IL1RAPL2: variants seen among roughly 807,000 people sequenced by gnomAD.
IL1RAPL2 encodes the protein X-linked interleukin-1 receptor accessory protein-like 2.
In IL1RAPL2, 3 loss-of-function variants were observed where a neutral mutation model predicts 44.1. The observed-to-expected ratio is 0.07, with a 90% CI of 0.03 to 0.18. The LOEUF is 0.18. Ranked by LOEUF, IL1RAPL2 falls within the 10% of genes least tolerant of loss-of-function variation. IL1RAPL2 has a pLI of 1.00. For synonymous variants in IL1RAPL2, 181 were observed against 178.8 expected (o/e 1.01, Z -0.10); for missense variants, 391 against 496.4 (o/e 0.79, Z 2.02).
intron 2 of IL1RAPL2, among the ~76,000 whole-genome samples, chrX:104,664,148 A>G (rs1930447977): frequency 1.8e-5 from 2 of 111,282 alleles, no homozygotes; most frequent in Non-Finnish European, 3.8e-5. Context: ...CCCAGATGTT[A>G]ACAAGATATT....
At chrX:104,883,868 A>G (rs1410147883) in intron 2 of IL1RAPL2, among the ~76,000 whole-genome samples, 2 of 111,818 alleles carry the variant, frequency 1.8e-5, no homozygotes, top group African/African-American at 6.5e-5. Flanking sequence ...CAGAAATTGT[A>G]TCCTTCCTAT....
intron 2 of IL1RAPL2, among the ~76,000 whole-genome samples, chrX:105,090,634 A>C (rs1008960983): frequency 8.9e-6 from 1 of 112,606 alleles, no homozygotes; most frequent in African/African-American, 3.2e-5. Context: ...CCTATCAAGT[A>C]CAAATATGTA....
intron 2 of IL1RAPL2, among the ~76,000 whole-genome samples, chrX:105,041,960 G>A (rs1371549244): frequency 9.1e-5 from 10 of 110,421 alleles, no homozygotes; most frequent in Admixed American, 7.8e-4. Context: ...AAACCTGAGA[G>A]AAGCAAGAAA....
intron 5 of IL1RAPL2, among the ~76,000 whole-genome samples, chrX:105,422,415 C>A (rs1172491084): frequency 8.9e-6 from 1 of 111,839 alleles, no homozygotes; most frequent in African/African-American, 3.3e-5. Context: ...AAGTTTGATT[C>A]CTTAAAGGAA....
chrX:104,994,399 G>A (rs1602876420), intron 2 of IL1RAPL2, among the ~76,000 whole-genome samples: 1 of 111,300 alleles, frequency 9.0e-6, no homozygotes, highest in South Asian at 3.7e-4. Context: ...AGGGTACAGA[G>A]TAACTTTCTG....
chrX:105,006,479 A>C (rs1017530880), intron 2 of IL1RAPL2, among the ~76,000 whole-genome samples: 2 of 110,990 alleles, frequency 1.8e-5, no homozygotes, highest in Non-Finnish European at 3.8e-5. Context: ...GAATTCAAAC[A>C]TATGTTTTAT....
intron 5 of IL1RAPL2, among the ~76,000 whole-genome samples, chrX:105,409,614 A>C (rs906822982): frequency 9.0e-6 from 1 of 111,465 alleles, no homozygotes; most frequent in Non-Finnish European, 1.9e-5. Flanking sequence ...TCTGAATGCC[A>C]TGAAGGAGCC....
In IL1RAPL2 at chrX:104,601,514, T is replaced by A. The variant is rs1029137968; in HGVS notation, c.-20+34463T>A. Among the ~76,000 whole-genome samples, 7 of 112,196 alleles carry A rather than the reference T, an allele frequency of 6.2e-5. No homozygotes were observed. In the South Asian group the frequency reaches 2.6e-3, roughly 41 times the overall value. On this transcript the variant is annotated intron_variant, in intron 1 of 10. Coordinates refer to ENST00000372582, the MANE Select transcript of IL1RAPL2 (RefSeq NM_017416.2). The stretch of plus-strand genomic sequence containing the variant: ...GTGATGTTGAGATTTGGGTAAAGAA[T>A]GATCCTGTCACACAGATCACCATTT...
intron 6 of IL1RAPL2, among the ~76,000 whole-genome samples, chrX:105,698,219 C>G (rs1472846326): frequency 9.0e-6 from 1 of 111,533 alleles, no homozygotes; most frequent in African/African-American, 3.3e-5. Context: ...GTATAACACT[C>G]TGCACTTTGC....
intron 1 of IL1RAPL2, among the ~76,000 whole-genome samples, chrX:104,607,756 T>C (rs1313285126): frequency 9.0e-6 from 1 of 111,707 alleles, no homozygotes; most frequent in Non-Finnish European, 1.9e-5. Flanking sequence ...TGTGGAGAAA[T>C]AGGGATGCTT....
Position 105,224,215 on chromosome X carries a change from A to G in IL1RAPL2, c.357-9603A>G, listed in dbSNP as rs369680471. On this transcript the variant is annotated intron_variant, in intron 3 of 10. Transcript: ENST00000372582. ...AAGCAGTAGGAGTAGTCAGAGAAGT[A>G]GACAATCAAAAAAGGGAGATATTTT... Among the ~76,000 whole-genome samples the G allele has an allele frequency of 8.1e-4, 90 of 111,257 alleles. No homozygotes were observed. The Middle Eastern group carries it at 0.019, about 23-fold the overall frequency.
chrX:105,371,124 G>T (rs1182526091), intron 5 of IL1RAPL2, among the ~76,000 whole-genome samples: 1 of 111,903 alleles, frequency 8.9e-6, no homozygotes, highest in East Asian at 2.8e-4. Flanking sequence ...ATAGATTCTG[G>T]ACATTAGACC....
chrX:105,552,669 T>C (rs911352644), intron 6 of IL1RAPL2, among the ~76,000 whole-genome samples: 2 of 111,923 alleles, frequency 1.8e-5, no homozygotes, highest in African/African-American at 6.5e-5. Flanking sequence ...TTGGAACCCA[T>C]ATGCTGAAGG....
intron 6 of IL1RAPL2, among the ~76,000 whole-genome samples, chrX:105,576,894 C>T (rs2037054101): frequency 9.0e-6 from 1 of 111,518 alleles, no homozygotes; most frequent in Non-Finnish European, 1.9e-5. Flanking sequence ...GAAAAATCAC[C>T]ATAAAGTTTG....
intron 2 of IL1RAPL2, among the ~76,000 whole-genome samples, chrX:104,773,850 G>A (rs1296136722): frequency 1.8e-5 from 2 of 111,737 alleles, no homozygotes; most frequent in Non-Finnish European, 3.8e-5. Context: ...ATAACTTATC[G>A]TTTTGCTTAA....
intron 2 of IL1RAPL2, among the ~76,000 whole-genome samples, chrX:104,923,027 A>G (rs775387905): frequency 2.7e-5 from 3 of 111,495 alleles, no homozygotes; most frequent in Non-Finnish European, 3.8e-5. Flanking sequence ...TGGAGGCTCT[A>G]ACAATAGACT....
intron 2 of IL1RAPL2, among the ~76,000 whole-genome samples, chrX:104,828,653 G>A (rs753376304): frequency 7.1e-5 from 8 of 112,330 alleles, no homozygotes; most frequent in Admixed American, 4.7e-4. Context: ...GAGCTCGAGC[G>A]TTGTGCTGGG....
At chrX:104,594,284 T>C (rs1928722776) in intron 1 of IL1RAPL2, among the ~76,000 whole-genome samples, 1 of 112,577 alleles carries the variant, frequency 8.9e-6, no homozygotes, top group African/African-American at 3.2e-5. Context: ...GAAACTCCCA[T>C]ATCTTTCTCT....
intron 6 of IL1RAPL2, among the ~76,000 whole-genome samples, chrX:105,704,838 G>A (rs1047826746): frequency 1.8e-5 from 2 of 110,076 alleles, no homozygotes; most frequent in African/African-American, 3.3e-5. Context: ...TACTATATAC[G>A]ATGTAACCAA....
Sources: gnomAD v4.1 joint callset for allele counts (sites outside exome capture counted in the v4.1 genomes callset) on GRCh38, gnomAD v4.1.1 for gene constraint, MANE v1.5 for transcripts, NCBI Gene and HGNC (gene_info 2026-07-23, HGNC 2026-07-21) for gene names.